GRM7: variants seen among roughly 807,000 people sequenced by gnomAD.
GRM7 encodes the protein glutamate metabotropic receptor 7.
In GRM7, 35 loss-of-function variants were observed where a neutral mutation model predicts 84.5. That is an observed-to-expected ratio of 0.41 (90% CI 0.32 to 0.55). The LOEUF (loss-of-function observed/expected upper bound fraction) is 0.55. Among genes scored for constraint, GRM7 ranks in the 20% least tolerant of loss-of-function variants. The probability of loss-of-function intolerance (pLI) is 0.19; values close to 1 mark genes in which losing one functional copy is unlikely to be tolerated. For synonymous variants in GRM7, 487 were observed against 455.1 expected, an observed-to-expected ratio of 1.07 and a Z score of -0.89; for missense variants, 1,003 against 1,194.6, an observed-to-expected ratio of 0.84 and a Z score of 2.36.
At chr3:6,947,074 AACTTCCAAC>A (rs1300554999) in intron 1 of GRM7, among the ~76,000 whole-genome samples, 1 of 152,162 alleles carries the variant, frequency 6.6e-6, no homozygotes, top group Non-Finnish European at 1.5e-5. Flanking sequence ...CCCTGGCCAG[AACTTCCAAC>A]ACTATGTTGA....
chr3:7,017,501 G>C (rs1323526171), intron 1 of GRM7, among the ~76,000 whole-genome samples: 1 of 152,204 alleles, frequency 6.6e-6, no homozygotes, highest in Non-Finnish European at 1.5e-5. Context: ...CTGGGGTAAA[G>C]TTTATAGTCT....
At chr3:7,296,683 T>C (rs1313637978) in intron 2 of GRM7, among the ~76,000 whole-genome samples, 2 of 152,164 alleles carry the variant, frequency 1.3e-5, no homozygotes, top group Admixed American at 1.3e-4. Flanking sequence ...ATCCTCATAT[T>C]ATATTTTGAT....
chr3:6,903,158 C>T (rs114106122), intron 1 of GRM7, among the ~76,000 whole-genome samples: 2,077 of 151,474 alleles, frequency 0.014, 47 homozygotes, highest in African/African-American at 0.048. Flanking sequence ...ATTAATATTA[C>T]CCTATCAACA....
Position 7,445,284 on chromosome 3 carries a change from C to T in GRM7, c.1175-7323C>T, listed in dbSNP as rs116803688. Reference sequence around the variant, plus strand: ...AAGGAGGACAAGACTGTCCCTTTTCCCTGTGTGGATAGGGAAGAAACCATT... The same window carrying T: ...AAGGAGGACAAGACTGTCCCTTTTCTCTGTGTGGATAGGGAAGAAACCATT... On this transcript the variant is annotated intron_variant, in intron 5 of 9. Coordinates refer to ENST00000357716, the MANE Select transcript of GRM7 (RefSeq NM_000844.4). Among the ~76,000 whole-genome samples, 1,236 of 152,122 alleles carry T rather than the reference C, an allele frequency of 8.1e-3. 18 individuals are homozygous for T. The highest frequency in any genetic ancestry group is 0.028 in the African/African-American group (1,178 of 41,504).
At chr3:6,947,139 A>C (rs2125064068) in intron 1 of GRM7, among the ~76,000 whole-genome samples, 2 of 152,302 alleles carry the variant, frequency 1.3e-5, no homozygotes, top group South Asian at 4.1e-4. Context: ...CCAGTTTTCA[A>C]AAGGAATGCT....
At chr3:7,602,225 G>A (rs1482549453) in intron 8 of GRM7, among the ~76,000 whole-genome samples, 7 of 152,026 alleles carry the variant, frequency 4.6e-5, no homozygotes, top group Non-Finnish European at 5.9e-5. Flanking sequence ...AATTGCACAC[G>A]GAAGAGGCAG....
chr3:7,396,955 C>T (rs1695236177), intron 4 of GRM7, among the ~76,000 whole-genome samples: 1 of 151,878 alleles, frequency 6.6e-6, no homozygotes, highest in Admixed American at 6.6e-5. Flanking sequence ...AACAAAAGTA[C>T]CCCAGGAGCC....
At chr3:7,419,990 T>C (rs1696330107) in intron 5 of GRM7, among the ~76,000 whole-genome samples, 1 of 152,210 alleles carries the variant, frequency 6.6e-6, no homozygotes, top group Non-Finnish European at 1.5e-5. Context: ...CGTACTCTGA[T>C]AAATGTCTAC....
intron 8 of GRM7, among the ~76,000 whole-genome samples, chr3:7,620,126 A>G (rs1445312850): frequency 6.6e-6 from 1 of 152,114 alleles, no homozygotes; most frequent in Non-Finnish European, 1.5e-5. Context: ...GATGGTTAGA[A>G]AGATGGTTAA....
chr3:7,538,772 A>G (rs1447146921), intron 7 of GRM7, among the ~76,000 whole-genome samples: 1 of 152,214 alleles, frequency 6.6e-6, no homozygotes, highest in Non-Finnish European at 1.5e-5. Context: ...CAGAAGGCAT[A>G]TTGGCTGTTT....
At chr3:7,007,157 C>T (rs1346741257) in intron 1 of GRM7, among the ~76,000 whole-genome samples, 1 of 152,204 alleles carries the variant, frequency 6.6e-6, no homozygotes, top group Non-Finnish European at 1.5e-5. Context: ...CAGGATGAGG[C>T]AGGGGCCCTA....
chr3:7,653,745 A>C (rs1216101137), intron 8 of GRM7, among the ~76,000 whole-genome samples: 1 of 152,212 alleles, frequency 6.6e-6, no homozygotes, highest in Admixed American at 6.5e-5. Flanking sequence ...GAATTTACAG[A>C]CTGCATTGGC....
intron 1 of GRM7, among the ~76,000 whole-genome samples, chr3:7,051,896 T>G (rs545339261): frequency 6.6e-6 from 1 of 151,916 alleles, no homozygotes; most frequent in African/African-American, 2.4e-5. Flanking sequence ...TATTTAATAG[T>G]TTAGAAACTA....
chr3:7,024,457 C>A (rs1010732791), intron 1 of GRM7, among the ~76,000 whole-genome samples: 32 of 152,090 alleles, frequency 2.1e-4, no homozygotes, highest in African/African-American at 7.0e-4. Flanking sequence ...TTATTTTTTC[C>A]CCAAGATGAA....
intron 1 of GRM7, among the ~76,000 whole-genome samples, chr3:6,904,649 A>G (rs747876046): frequency 3.3e-5 from 5 of 151,898 alleles, no homozygotes; most frequent in Non-Finnish European, 7.4e-5. Context: ...TTTCTAGACC[A>G]TCTGTTTAGT....
At chr3:7,121,667 A>G (rs1306507572) in intron 1 of GRM7, among the ~76,000 whole-genome samples, 1 of 152,176 alleles carries the variant, frequency 6.6e-6, no homozygotes, top group East Asian at 1.9e-4. Flanking sequence ...TATATTACAC[A>G]TCTATAGATG....
chr3:6,924,529 G>T (rs1697233366), intron 1 of GRM7, among the ~76,000 whole-genome samples: 1 of 151,804 alleles, frequency 6.6e-6, no homozygotes, highest in African/African-American at 2.4e-5. Context: ...CTCACAGGAT[G>T]GTTCCTATAT....
intron 9 of GRM7, among the ~76,000 whole-genome samples, chr3:7,717,846 C>T (rs1701818967): frequency 6.6e-6 from 1 of 152,198 alleles, no homozygotes; most frequent in Non-Finnish European, 1.5e-5. Flanking sequence ...GCTTTTCAAA[C>T]CCATACCTGT....
intron 5 of GRM7, among the ~76,000 whole-genome samples, chr3:7,426,295 T>A (rs1696609287): frequency 6.6e-6 from 1 of 151,978 alleles, no homozygotes; most frequent in African/African-American, 2.4e-5. Flanking sequence ...AATTTTGTAT[T>A]TTTAGTAGAG....
Sources: gnomAD v4.1 joint callset for allele counts (sites outside exome capture counted in the v4.1 genomes callset) on GRCh38, gnomAD v4.1.1 for gene constraint, MANE v1.5 for transcripts, NCBI Gene and HGNC (gene_info 2026-07-23, HGNC 2026-07-21) for gene names.